The following VPS35L variants were observed in gnomAD, a reference collection of about 807,000 sequenced individuals.
VPS35L encodes VPS35 endosomal protein sorting factor like, also known as VPS35 endosomal protein-sorting factor-like.
Under a neutral mutation model 133.0 loss-of-function variants are expected in VPS35L, and 83 were observed. The observed-to-expected ratio is 0.62, with a 90% CI of 0.52 to 0.75. VPS35L has a LOEUF of 0.75. Among genes scored for constraint, VPS35L ranks in the 30% least tolerant of loss-of-function variants. VPS35L has a pLI of 0.00. For missense variants in VPS35L, 1,083 were observed against 1,206.8 expected, an observed-to-expected ratio of 0.90 and a Z score of 1.52; for synonymous variants, 423 against 449.9, an observed-to-expected ratio of 0.94 and a Z score of 0.76.
chr16:19,577,373 C>T (rs1263020074), intron 5 of VPS35L, among the ~76,000 whole-genome samples: 1 of 152,154 alleles, frequency 6.6e-6, no homozygotes, highest in Non-Finnish European at 1.5e-5. Flanking sequence ...TAACTCATTA[C>T]TGCACTCATT....
At chr16:19,687,541 C>T (rs553112615) in intron 28 of VPS35L, among the ~76,000 whole-genome samples, 9 of 152,274 alleles carry the variant, frequency 5.9e-5, no homozygotes, top group African/African-American at 1.9e-4. Context: ...TGGTGTCAGA[C>T]GAGCAATCAA....
intron 12 of VPS35L, among the ~76,000 whole-genome samples, chr16:19,611,340 G>A (rs1972714057): frequency 6.6e-6 from 1 of 152,092 alleles, no homozygotes; most frequent in East Asian, 1.9e-4. Context: ...CTCACACAGG[G>A]GCTTTGCCTC....
Position 19,674,184 on chromosome 16 carries a change from C to CTTTCTT in VPS35L, c.2361+4888_2361+4889insCTTTTT, listed in dbSNP as rs764022611. Reference sequence around the variant, plus strand: ...TACCTGGTTCAGTTTTTTTCTTTTTCTTTTTTTTTTTTTTTTTTTTTTTTT... The same window carrying CTTTCTT: ...TACCTGGTTCAGTTTTTTTCTTTTTCTTTCTTTTTTTTTTTTTTTTTTTTTTTTTTT... On this transcript the variant is annotated intron_variant, in intron 27 of 30. Coordinates refer to ENST00000417362, the MANE Select transcript of VPS35L (RefSeq NM_020314.7). 8.5e-4 allele frequency among the ~76,000 whole-genome samples: 60 copies of CTTTCTT among 70,922 alleles called. 1 individual carries two copies. The highest frequency in any genetic ancestry group is 3.7e-3 in the African/African-American group (60 of 16,028). 46.5% of individuals were successfully genotyped at this position (70,922 alleles called of 152,430 possible).
intron 5 of VPS35L, chr16:19,578,722 A>G (rs774406488): frequency 1.1e-4 from 37 of 346,640 alleles, no homozygotes; most frequent in Admixed American, 4.3e-5. Flanking sequence ...GAAAACAATT[A>G]GATGACGGAT....
chr16:19,590,745 T>C (rs1293260705), intron 7 of VPS35L, among the ~76,000 whole-genome samples: 1 of 151,972 alleles, frequency 6.6e-6, no homozygotes, highest in African/African-American at 2.4e-5. Context: ...GGTCAGGAGT[T>C]CAAGACCAGC....
chr16:19,623,481 C>T (rs1033968675), intron 14 of VPS35L, among the ~76,000 whole-genome samples: 5 of 152,094 alleles, frequency 3.3e-5, no homozygotes, highest in East Asian at 1.9e-4. Context: ...GGGGTTAGGG[C>T]TCCAACATAG....
Position 19,569,601 on chromosome 16 carries a change from C to G in VPS35L, c.285+10C>G. 6.6e-7 allele frequency: 1 copy of G among 1,525,976 alleles called. No individual in the cohort carries two copies. The highest frequency in any genetic ancestry group is 8.8e-7 in the Non-Finnish European group (1 of 1,137,940). 94.5% of individuals were successfully genotyped at this position (1,525,976 alleles called of 1,614,324 possible). A position where few individuals can be genotyped will look rare whatever the true frequency, so the allele number is the denominator to read the frequency against. On this transcript the variant is annotated intron_variant, in intron 3 of 30. Coordinates refer to ENST00000417362, the MANE Select transcript of VPS35L (RefSeq NM_020314.7). ...CTTGGCAGCTGCCATGGTAATGCAC[C>G]CCAGCCATGGTCGTCCAGTGGGGGT...
chr16:19,681,081 A>G (rs1158986983), intron 27 of VPS35L, among the ~76,000 whole-genome samples: 1 of 152,204 alleles, frequency 6.6e-6, no homozygotes, highest in Non-Finnish European at 1.5e-5. Context: ...AGTCAGAGAG[A>G]ACGTGCCTGG....
At chr16:19,695,472 A>G (rs1177208701) in intron 29 of VPS35L, among the ~76,000 whole-genome samples, 2 of 152,200 alleles carry the variant, frequency 1.3e-5, no homozygotes, top group Non-Finnish European at 2.9e-5. Context: ...CGTGGCATCA[A>G]TACCAGCGAT....
chr16:19,658,259 G>A (rs886974197), intron 26 of VPS35L, among the ~76,000 whole-genome samples: 1 of 152,202 alleles, frequency 6.6e-6, no homozygotes, highest in Non-Finnish European at 1.5e-5. Flanking sequence ...GCTGGGCGCG[G>A]TGGCTCAGAC....
chr16:19,653,839 A>G (rs1974212690), intron 26 of VPS35L, among the ~76,000 whole-genome samples: 1 of 152,238 alleles, frequency 6.6e-6, no homozygotes, highest in Non-Finnish European at 1.5e-5. Context: ...AGCTCTGGGC[A>G]GTGAAGTCTT....
chr16:19,684,354 T>C (rs1439600513), intron 28 of VPS35L, among the ~76,000 whole-genome samples: 2 of 152,170 alleles, frequency 1.3e-5, no homozygotes, highest in African/African-American at 2.4e-5. Context: ...TTGTATACTT[T>C]ACAGTTAAAA....
intron 20 of VPS35L, among the ~76,000 whole-genome samples, chr16:19,638,563 T>C (rs773265194): frequency 2.6e-5 from 4 of 152,204 alleles, no homozygotes; most frequent in Non-Finnish European, 5.9e-5. Context: ...AGAACAGTTA[T>C]AACAATATGC....
chr16:19,605,770 G>C (rs1380115452), intron 9 of VPS35L, among the ~76,000 whole-genome samples: 1 of 152,054 alleles, frequency 6.6e-6, no homozygotes, highest in Non-Finnish European at 1.5e-5. Context: ...CCAATACCTA[G>C]TTTAGTATCT....
chr16:19,558,135 T>C (rs144825093), intron 1 of VPS35L, among the ~76,000 whole-genome samples: 1 of 152,252 alleles, frequency 6.6e-6, no homozygotes, highest in Non-Finnish European at 1.5e-5. Context: ...AACATAATGG[T>C]GAGTGCTGAA....
At chr16:19,634,466 G>T (rs1287719129) in intron 19 of VPS35L, among the ~76,000 whole-genome samples, 2 of 151,222 alleles carry the variant, frequency 1.3e-5, no homozygotes, top group South Asian at 4.2e-4. Context: ...ATGTGAAAAG[G>T]GTATAAGAGC....
chr16:19,656,263 C>CAA (rs34467290), intron 26 of VPS35L, among the ~76,000 whole-genome samples: 12 of 81,084 alleles, frequency 1.5e-4, no homozygotes, highest in South Asian at 4.1e-4. Flanking sequence ...GACTCTGTCT[C>CAA]AAAAAAAAAA....
chr16:19,699,713 G>A lies in VPS35L; in HGVS notation c.2793+65G>A, dbSNP rs894796877. 45 of 1,591,212 alleles carry A rather than the reference G, an allele frequency of 2.8e-5. No homozygotes were observed. Among genetic ancestry groups the A allele is most frequent in the Non-Finnish European group, 3.8e-5 (45 of 1,168,984 alleles). On this transcript the variant is annotated intron_variant, in intron 30 of 30. Coordinates refer to ENST00000417362, the MANE Select transcript of VPS35L (RefSeq NM_020314.7). This position sits in a 1 kb window ranked among gnomAD's most constrained non-coding sequence, Gnocchi z 4.2. Reference sequence around the variant, plus strand: ...CCAGTGCACAACCACCCTCAACACAGCATTGTGGCCTGGACATCAGACAGA... The same window carrying A: ...CCAGTGCACAACCACCCTCAACACAACATTGTGGCCTGGACATCAGACAGA...
intron 26 of VPS35L, among the ~76,000 whole-genome samples, chr16:19,662,136 G>A (rs1193526462): frequency 6.6e-6 from 1 of 152,076 alleles, no homozygotes; most frequent in Non-Finnish European, 1.5e-5. Flanking sequence ...CCAGGAGGTC[G>A]AGGCAGGAGT....
Sources: gnomAD v4.1 joint callset for allele counts (sites outside exome capture counted in the v4.1 genomes callset) on GRCh38, gnomAD v4.1.1 for gene constraint, Gnocchi (gnomAD v3.1) non-coding constraint, MANE v1.5 for transcripts, NCBI Gene and HGNC (gene_info 2026-07-23, HGNC 2026-07-21) for gene names.